HMGCLL1: variants seen among roughly 807,000 people sequenced by gnomAD.
HMGCLL1 encodes the protein 3-hydroxy-3-methylglutaryl-CoA lyase like 1.
In HMGCLL1, 36 loss-of-function variants were observed where a neutral mutation model predicts 39.1. That is an observed-to-expected ratio of 0.92 (90% CI 0.71 to 1.22). The LOEUF is 1.22. Among genes scored for constraint, HMGCLL1 ranks in the 50% most tolerant of loss-of-function variants. HMGCLL1 has a pLI of 0.00. For missense variants in HMGCLL1, 451 were observed against 416.5 expected (o/e 1.08, Z -0.72); for synonymous variants, 149 against 144.0 (o/e 1.03, Z -0.25).
intron 1 of HMGCLL1, among the ~76,000 whole-genome samples, chr6:55,567,622 T>C (rs1047149808): frequency 6.6e-6 from 1 of 152,108 alleles, no homozygotes; most frequent in African/African-American, 2.4e-5. Context: ...AAGAAAAAAT[T>C]GCAGGGAAAA....
At chr6:55,586,325 C>A in the HMGCLL1 span, among the ~76,000 whole-genome samples, 2 of 151,648 alleles carry the variant, frequency 1.3e-5, no homozygotes, top group African/African-American at 4.8e-5. Flanking sequence ...AGAGACAGTG[C>A]AGGGGAAGTG....
chr6:55,647,988 C>G, the HMGCLL1 span, among the ~76,000 whole-genome samples: 4 of 112,708 alleles, frequency 3.5e-5, no homozygotes, highest in Non-Finnish European at 7.0e-5. Context: ...TCTCATTGTT[C>G]AATTCCCACC....
chr6:55,456,885 GGTGCAAATC>G (rs1323782164), intron 7 of HMGCLL1, among the ~76,000 whole-genome samples: 1 of 152,076 alleles, frequency 6.6e-6, no homozygotes, highest in Non-Finnish European at 1.5e-5. Flanking sequence ...AAGCAAACAG[GGTGCAAATC>G]GTAGGAAGCC....
chr6:55,546,118 C>G (rs1191940158), intron 1 of HMGCLL1, among the ~76,000 whole-genome samples: 1 of 152,066 alleles, frequency 6.6e-6, no homozygotes, highest in Admixed American at 6.6e-5. Flanking sequence ...CAGTGCCTTG[C>G]TAATAAAACA....
chr6:55,582,506 T>G (rs1772002260), upstream of HMGCLL1, among the ~76,000 whole-genome samples: 1 of 152,168 alleles, frequency 6.6e-6, no homozygotes, highest in African/African-American at 2.4e-5. Context: ...TAAAAATGGT[T>G]CAATTAATAT....
At chr6:55,497,853 G>A (rs541484105) in intron 6 of HMGCLL1, among the ~76,000 whole-genome samples, 75 of 152,280 alleles carry the variant, frequency 4.9e-4, no homozygotes, top group Non-Finnish European at 7.6e-4. Context: ...AACATTCCAG[G>A]TAGGGAAAAA....
chr6:55,471,679 T>C (rs374624878), intron 7 of HMGCLL1, among the ~76,000 whole-genome samples: 1 of 151,406 alleles, frequency 6.6e-6, no homozygotes, highest in East Asian at 1.9e-4. Flanking sequence ...TTTATATTTT[T>C]TTCTTTTTTT....
At chr6:55,650,133 A>ATATATATAT in the HMGCLL1 span, among the ~76,000 whole-genome samples, 62 of 67,202 alleles carry the variant, frequency 9.2e-4, no homozygotes, top group East Asian at 2.3e-3. Context: ...ATATATATAT[A>ATATATATAT]TACACACACA....
At position 55,477,490 on chromosome 6, in the gene HMGCLL1, A is replaced by G. The variant is rs1348871199; in HGVS notation, c.795+17929T>C. ...ATATAATATATATATTATATTACAT[A>G]TACATATTACATATATTATATATGT... On this transcript the variant is annotated intron_variant, in intron 7 of 8. Coordinates refer to ENST00000274901, the MANE Select transcript of HMGCLL1 (RefSeq NM_001042406.2). Among the ~76,000 whole-genome samples, 4 of 75,464 alleles carry G rather than the reference A, an allele frequency of 5.3e-5. 1 individual carries two copies. The highest frequency in any genetic ancestry group is 9.1e-5 in the African/African-American group (2 of 22,090). The allele number at this position is 75,464 out of a possible 152,430, so 49.5% of individuals were successfully genotyped here.
the HMGCLL1 span, among the ~76,000 whole-genome samples, chr6:55,607,855 G>A: frequency 6.6e-6 from 1 of 152,086 alleles, no homozygotes; most frequent in Non-Finnish European, 1.5e-5. Flanking sequence ...TTCCACCTGT[G>A]CCACTAAATA....
At chr6:55,564,825 G>T (rs1442499957) in intron 1 of HMGCLL1, among the ~76,000 whole-genome samples, 1 of 138,486 alleles carries the variant, frequency 7.2e-6, no homozygotes, top group African/African-American at 2.7e-5. Context: ...AAAAGGAGAA[G>T]GTCATGAAAG....
the HMGCLL1 span, among the ~76,000 whole-genome samples, chr6:55,650,057 T>TTATATATATATATA: frequency 2.6e-5 from 2 of 76,096 alleles, no homozygotes; most frequent in African/African-American, 9.4e-5. Flanking sequence ...GTCTGAAAGG[T>TTATATATATATATA]TATATATATA....
chr6:55,537,595 G>T (rs1415773611), intron 3 of HMGCLL1, among the ~76,000 whole-genome samples: 3 of 152,092 alleles, frequency 2.0e-5, no homozygotes, highest in Non-Finnish European at 4.4e-5. Context: ...CTGAGCACTG[G>T]TCAGGAGTCA....
chr6:55,450,998 A>G (rs1172258664), intron 7 of HMGCLL1, among the ~76,000 whole-genome samples: 2 of 152,156 alleles, frequency 1.3e-5, no homozygotes, highest in Non-Finnish European at 2.9e-5. Context: ...CAAAGAGTTC[A>G]TCTCATTTCT....
At chr6:55,615,189 A>G in the HMGCLL1 span, among the ~76,000 whole-genome samples, 1 of 152,126 alleles carries the variant, frequency 6.6e-6, no homozygotes, top group South Asian at 2.1e-4. Flanking sequence ...GTAAAAAGAA[A>G]AAGAAAAAAG....
chr6:55,583,717 C>A (rs1351032506), upstream of HMGCLL1, among the ~76,000 whole-genome samples: 1 of 152,020 alleles, frequency 6.6e-6, no homozygotes, highest in Admixed American at 6.6e-5. Flanking sequence ...ATTTATTTTT[C>A]TATAGGAATC....
Position 55,439,472 on chromosome 6 carries a change from C to G in HMGCLL1, c.883G>C (p.Asp295His), listed in dbSNP as rs764166829. The G allele has an allele frequency of 1.9e-6, 3 of 1,612,632 alleles. No homozygotes were observed. The highest frequency in any genetic ancestry group is 2.5e-6 in the Non-Finnish European group (3 of 1,179,128). The part of the protein sequence containing the change: ...KGASGNVATE[D>H]LIYMLNGLGL... ...AGGCCATTAAGCATATATATCAAAT[C>G]CTCAGTGGCTACATTCCCAGAAGCA... Residue 295 changes from aspartate (D) to histidine (H), a missense_variant, in exon 8 of 9, where the codon GAT (aspartate) becomes CAT (histidine). Transcript: ENST00000274901.
At chr6:55,485,021 T>G (rs867878302) in intron 7 of HMGCLL1, among the ~76,000 whole-genome samples, 4 of 152,200 alleles carry the variant, frequency 2.6e-5, no homozygotes, top group Non-Finnish European at 2.9e-5. Flanking sequence ...ACTGGCCACA[T>G]GTTGTTTGTT....
chr6:55,561,904 C>T (rs1298514336), intron 1 of HMGCLL1, among the ~76,000 whole-genome samples: 1 of 151,974 alleles, frequency 6.6e-6, no homozygotes, highest in Non-Finnish European at 1.5e-5. Flanking sequence ...TCTCAGCATA[C>T]GATAAACTAA....
Sources: allele counts gnomAD v4.1 joint callset (sites outside exome capture counted in the v4.1 genomes callset), GRCh38; gene constraint gnomAD v4.1.1; transcripts MANE v1.5; gene names NCBI Gene and HGNC (gene_info 2026-07-23, HGNC 2026-07-21).